The following DMXL1 variants were observed in gnomAD, a reference collection of about 807,000 sequenced individuals.
DMXL1 encodes the protein dmX-like protein 1.
A neutral mutation model predicts 319.2 loss-of-function variants in DMXL1; 99 were observed. The ratio of observed to expected loss-of-function variants is 0.31; its 90% CI spans 0.26 to 0.37. DMXL1 has a LOEUF of 0.37. Among genes scored for constraint, DMXL1 ranks in the 10% least tolerant of loss-of-function variants. DMXL1 has a pLI of 1.00. For missense variants in DMXL1, 3,745 were observed against 3,595.6 expected (o/e 1.04, Z -1.06); for synonymous variants, 1,385 against 1,235.2 (o/e 1.12, Z -2.54).
At chr5:119,179,059 TG>T (rs1776337437) in intron 28 of DMXL1, among the ~76,000 whole-genome samples, 1 of 152,102 alleles carries the variant, frequency 6.6e-6, no homozygotes, top group Non-Finnish European at 1.5e-5. Context: ...TTCCGGCCAT[TG>T]GAGTTTTTGG....
chr5:119,085,128 A>G (rs888212672), intron 1 of DMXL1, among the ~76,000 whole-genome samples: 2 of 152,002 alleles, frequency 1.3e-5, no homozygotes, highest in African/African-American at 4.8e-5. Flanking sequence ...CAAGAGTTCA[A>G]GATCACCCTA....
At chr5:119,122,094 C>CT (rs1762230914) in intron 9 of DMXL1, among the ~76,000 whole-genome samples, 2 of 141,260 alleles carry the variant, frequency 1.4e-5, no homozygotes, top group Admixed American at 6.9e-5. Flanking sequence ...GGGGCTGACC[C>CT]CCCCACCTCC....
At chr5:119,227,400 A>G (rs1785791405) in intron 38 of DMXL1, among the ~76,000 whole-genome samples, 1 of 152,150 alleles carries the variant, frequency 6.6e-6, no homozygotes, top group Admixed American at 6.6e-5. Flanking sequence ...CTCAGATAAG[A>G]TTTTTAAAAA....
At chr5:119,232,378 G>C (rs1178831008) in intron 38 of DMXL1, among the ~76,000 whole-genome samples, 1 of 152,112 alleles carries the variant, frequency 6.6e-6, no homozygotes, top group Non-Finnish European at 1.5e-5. Flanking sequence ...AGGGAAACTT[G>C]ACTGATATGT....
chr5:119,135,179 G>C lies in DMXL1; in HGVS notation c.2376+790G>C, dbSNP rs188759880. The stretch of plus-strand genomic sequence containing the variant: ...TACAGTAGAAATGTATATATTTTGG[G>C]GGGGGTCTTCTATTTATCAGGCATT... On this transcript the variant is annotated intron_variant, in intron 13 of 43. Transcript: ENST00000539542. 1.2e-3 allele frequency among the ~76,000 whole-genome samples: 187 copies of C among 152,174 alleles called. 1 individual carries two copies. Among genetic ancestry groups the C allele is most frequent in the Non-Finnish European group, 2.3e-3 (158 of 68,012 alleles).
chr5:119,082,611 G>C (rs1752488519), intron 1 of DMXL1, among the ~76,000 whole-genome samples: 1 of 152,102 alleles, frequency 6.6e-6, no homozygotes, highest in Admixed American at 6.5e-5. Context: ...CCTAATAGAT[G>C]TACATGCTTT....
At chr5:119,132,550 G>A (rs1312018588) in intron 10 of DMXL1, 2 of 262,586 alleles carry the variant, frequency 7.6e-6, no homozygotes, top group African/African-American at 4.5e-5. Flanking sequence ...CGCAGTGGCA[G>A]GCACCTGTAA....
chr5:119,117,349 AT>A (rs1324358615), intron 7 of DMXL1, among the ~76,000 whole-genome samples: 1 of 152,106 alleles, frequency 6.6e-6, no homozygotes, highest in African/African-American at 2.4e-5. Flanking sequence ...CAGAAATCCC[AT>A]TTTGTACTAT....
In DMXL1 at chr5:119,170,492, A is replaced by G. The variant is rs1242862208; in HGVS notation, c.5701A>G (p.Ser1901Gly). 7 of 1,613,886 alleles carry G rather than the reference A, an allele frequency of 4.3e-6. No individual in the cohort carries two copies. The highest frequency in any genetic ancestry group is 1.1e-5 in the South Asian group (1 of 91,064). The change falls in exon 24 of 44, where the codon AGT (serine) becomes GGT (glycine). Residue 1901 changes from serine (S) to glycine (G), a missense_variant. Ser to Gly is a moderately conservative substitution (Grantham distance 56, BLOSUM62 0). Coordinates refer to ENST00000539542, the MANE Select transcript of DMXL1 (RefSeq NM_001290321.3). ...TAGGGCTTCTAGTTTTCTGGATACTAGTAAAGACTGTTCTCCTTCTTCTCC... is the reference window on the plus strand; with the variant it reads ...TAGGGCTTCTAGTTTTCTGGATACTGGTAAAGACTGTTCTCCTTCTTCTCC... ...FYRASSFLDT[S>G]KDCSPSSPLK...
At chr5:119,105,932 T>TA (rs1386782380) in intron 4 of DMXL1, among the ~76,000 whole-genome samples, 1 of 151,056 alleles carries the variant, frequency 6.6e-6, no homozygotes, top group African/African-American at 2.4e-5. Flanking sequence ...ATAATGAATA[T>TA]ATGTATCAGT....
At chr5:119,093,902 A>C (rs1238164582) in intron 1 of DMXL1, among the ~76,000 whole-genome samples, 1 of 152,192 alleles carries the variant, frequency 6.6e-6, no homozygotes, top group African/African-American at 2.4e-5. Flanking sequence ...GCAGGACCCT[A>C]ACTCTTCTCA....
intron 34 of DMXL1, among the ~76,000 whole-genome samples, chr5:119,211,695 A>T (rs1056728958): frequency 7.9e-5 from 12 of 152,158 alleles, no homozygotes; most frequent in African/African-American, 2.7e-4. Flanking sequence ...CATTCTTTAG[A>T]TATCATTTTA....
intron 42 of DMXL1, among the ~76,000 whole-genome samples, 187 bp downstream of exon 42, chr5:119,240,658 A>T (rs890986872): frequency 3.9e-5 from 6 of 152,186 alleles, no homozygotes; most frequent in African/African-American, 9.7e-5. Context: ...CTATACCTTG[A>T]TGGGGGACAG....
At chr5:119,088,131 GT>G (rs2149723558) in intron 1 of DMXL1, among the ~76,000 whole-genome samples, 1 of 152,244 alleles carries the variant, frequency 6.6e-6, no homozygotes, top group South Asian at 2.1e-4. Flanking sequence ...GAGAGCTCTG[GT>G]GTTGGGCGAT....
rs149245993 is a variant in DMXL1 at position 119,147,467 on chromosome 5, G to T, written c.2908G>T (p.Ala970Ser). The change falls in exon 17 of 44, where the codon GCA (alanine) becomes TCA (serine). Residue 970 changes from alanine to serine, a missense_variant. By Grantham distance (99) the Ala-to-Ser change is moderately conservative. Transcript: ENST00000539542. The part of the protein sequence containing the change: ...GVEIISIKPS[A>S]GHLSSSSIYP... ...TGAGATAATAAGTATTAAGCCATCA[G>T]CAGGTTTGTAAATTTTATGAAAAGA... is the stretch of plus-strand genomic sequence containing the variant. 7.5e-6 allele frequency: 12 copies of T among 1,609,040 alleles called. No homozygotes were observed. The African/African-American group carries it at 1.6e-4, about 21-fold the overall frequency.
intron 38 of DMXL1, among the ~76,000 whole-genome samples, chr5:119,231,601 T>G (rs946164083): frequency 3.3e-5 from 5 of 152,332 alleles, no homozygotes; most frequent in Middle Eastern, 3.4e-3. Context: ...CTGAGAACTC[T>G]TAAAACATAG....
At chr5:119,208,277 G>T (rs1782106948) in intron 34 of DMXL1, among the ~76,000 whole-genome samples, 2 of 149,652 alleles carry the variant, frequency 1.3e-5, no homozygotes, top group African/African-American at 2.5e-5. Context: ...GCAGTGGCGC[G>T]ATCTCAGCTT....
chr5:119,110,398 C>G (rs1759308346), intron 5 of DMXL1, 115 bp downstream of exon 5: 5 of 913,980 alleles, frequency 5.5e-6, no homozygotes, highest in East Asian at 3.0e-5. Flanking sequence ...GATTTTTAGT[C>G]TATGATATGC....
intron 13 of DMXL1, among the ~76,000 whole-genome samples, chr5:119,134,725 A>G (rs11241487): frequency 0.045 from 6,890 of 152,318 alleles, 227 homozygotes; most frequent in South Asian, 0.077. Context: ...AGCTGGAACA[A>G]CAGGAATAGA....
Sources: gnomAD v4.1 joint callset for allele counts (sites outside exome capture counted in the v4.1 genomes callset) on GRCh38, gnomAD v4.1.1 for gene constraint, MANE v1.5 for transcripts, NCBI Gene and HGNC (gene_info 2026-07-23, HGNC 2026-07-21) for gene names.